Variants in CTNND2 observed in about 807,000 individuals in gnomAD.
CTNND2 encodes catenin delta 2.
In CTNND2, 22 loss-of-function variants were observed where a neutral mutation model predicts 144.4. The observed-to-expected ratio is 0.15, with a 90% confidence interval of 0.11 to 0.22. CTNND2 has a LOEUF of 0.22. Among genes scored for constraint, CTNND2 ranks in the 10% least tolerant of loss-of-function variants. The pLI is 1.00. For synonymous variants in CTNND2, 751 were observed against 695.6 expected (o/e 1.08, Z -1.25); for missense variants, 1,353 against 1,618.8 (o/e 0.84, Z 2.82).
intron 3 of CTNND2, among the ~76,000 whole-genome samples, chr5:11,500,615 C>T (rs534092472): frequency 1.2e-4 from 19 of 152,282 alleles, no homozygotes; most frequent in African/African-American, 4.6e-4. Context: ...AAGGCAAAAT[C>T]AGTATCTTAG....
chr5:11,569,597 G>A (rs550869877), intron 2 of CTNND2, among the ~76,000 whole-genome samples: 1 of 152,128 alleles, frequency 6.6e-6, no homozygotes, highest in South Asian at 2.1e-4. Flanking sequence ...ACTGAAATCA[G>A]AAAACTCATC....
intron 1 of CTNND2, among the ~76,000 whole-genome samples, chr5:11,751,380 T>G (rs1247696668): frequency 6.6e-6 from 1 of 151,756 alleles, no homozygotes; most frequent in Non-Finnish European, 1.5e-5. Flanking sequence ...ATCATCTCCC[T>G]TCTCCCACCC....
At chr5:11,058,658 G>A (rs1746596857) in intron 16 of CTNND2, among the ~76,000 whole-genome samples, 1 of 152,186 alleles carries the variant, frequency 6.6e-6, no homozygotes, top group Admixed American at 6.5e-5. Flanking sequence ...TGAGAAGAGG[G>A]CTACCATCCT....
At chr5:11,290,979 G>T (rs2150014347) in intron 9 of CTNND2, among the ~76,000 whole-genome samples, 1 of 152,258 alleles carries the variant, frequency 6.6e-6, no homozygotes, top group East Asian at 1.9e-4. Context: ...CTATATTGGA[G>T]TCTTCATAGA....
At chr5:11,659,012 C>A (rs912148188) in intron 2 of CTNND2, among the ~76,000 whole-genome samples, 1 of 152,110 alleles carries the variant, frequency 6.6e-6, no homozygotes, top group South Asian at 2.1e-4. Flanking sequence ...TTTAAAAATT[C>A]ATTTCAGTCA....
chr5:11,396,169 C>A (rs1278949586), intron 6 of CTNND2, among the ~76,000 whole-genome samples: 1 of 152,126 alleles, frequency 6.6e-6, no homozygotes. Context: ...GTGGGGCTTG[C>A]AGTTCTTCAT....
At chr5:11,591,724 G>C (rs1200168581) in intron 2 of CTNND2, among the ~76,000 whole-genome samples, 1 of 151,804 alleles carries the variant, frequency 6.6e-6, no homozygotes, top group African/African-American at 2.4e-5. Context: ...TTTTTCTGTG[G>C]TTATACTTTC....
intron 3 of CTNND2, among the ~76,000 whole-genome samples, chr5:11,474,075 A>G (rs1321731371): frequency 2.0e-5 from 3 of 152,266 alleles, no homozygotes; most frequent in Non-Finnish European, 4.4e-5. Flanking sequence ...GAGCACCTGT[A>G]TATGATCATT....
At chr5:11,182,219 G>A (rs1735145530) in intron 11 of CTNND2, among the ~76,000 whole-genome samples, 1 of 150,444 alleles carries the variant, frequency 6.6e-6, no homozygotes, top group South Asian at 2.1e-4. Flanking sequence ...TGTGTGTAGT[G>A]TGTGTGTGGT....
chr5:11,900,675 A>G (rs1197951307), intron 1 of CTNND2, among the ~76,000 whole-genome samples: 3 of 152,246 alleles, frequency 2.0e-5, no homozygotes, highest in African/African-American at 7.2e-5. Context: ...AGTACTGTGG[A>G]CAGGAGAACA....
chr5:11,646,312 T>C (rs918864222), intron 2 of CTNND2, among the ~76,000 whole-genome samples: 5 of 152,230 alleles, frequency 3.3e-5, no homozygotes, highest in African/African-American at 1.2e-4. Flanking sequence ...GTGGTATTCA[T>C]TTTATAATGA....
At chr5:11,661,858 C>T (rs1454667658) in intron 2 of CTNND2, among the ~76,000 whole-genome samples, 1 of 151,782 alleles carries the variant, frequency 6.6e-6, no homozygotes, top group Non-Finnish European at 1.5e-5. Context: ...CTGAGTGGCA[C>T]AGAGGAGGTG....
chr5:11,118,055 A>ACT, intron 12 of CTNND2, among the ~76,000 whole-genome samples: 1 of 152,226 alleles, frequency 6.6e-6, no homozygotes, highest in South Asian at 2.1e-4. Flanking sequence ...ACATAGTTAG[A>ACT]GGTTTCTGTG....
In CTNND2 at chr5:11,381,738, C is replaced by T. The variant is rs184227697; in HGVS notation, c.1177+2927G>A. Among the ~76,000 whole-genome samples, 1,452 of 152,226 alleles carry T rather than the reference C, an allele frequency of 9.5e-3. 23 individuals carry two copies. Among genetic ancestry groups the T allele is most frequent in the African/African-American group, 0.032 (1,341 of 41,534 alleles). The stretch of plus-strand genomic sequence containing the variant: ...ATCCCAGCACTTTGGGAGGCCGAGG[C>T]GGGCAGATCACGAGGTCAGGAGATC... On this transcript the variant is annotated intron_variant, in intron 7 of 21. Coordinates refer to ENST00000304623, the MANE Select transcript of CTNND2 (RefSeq NM_001332.4).
intron 1 of CTNND2, among the ~76,000 whole-genome samples, chr5:11,839,114 G>C (rs923381151): frequency 6.6e-6 from 1 of 152,052 alleles, no homozygotes; most frequent in African/African-American, 2.4e-5. Context: ...CTCCTTAAAT[G>C]AATCTCAGCC....
At chr5:11,043,671 A>G (rs966721763) in intron 16 of CTNND2, among the ~76,000 whole-genome samples, 2 of 152,240 alleles carry the variant, frequency 1.3e-5, no homozygotes, top group Admixed American at 6.5e-5. Flanking sequence ...ACTTATTGTT[A>G]TATCTGAGCC....
rs188219946 is a variant in CTNND2 at position 11,039,158 on chromosome 5, C to T, written c.2789-16179G>A. 1.9e-4 allele frequency among the ~76,000 whole-genome samples: 29 copies of T among 152,278 alleles called. 1 individual carries two copies. The highest frequency in any genetic ancestry group is 1.8e-3 in the Admixed American group (27 of 15,292). On this transcript the variant is annotated intron_variant, in intron 16 of 21. Transcript: ENST00000304623. Reference sequence around the variant, plus strand: ...TAGTCCCAAATAATGAATCTTTGACCCATTTCCTAACAGTTGCAGACTCCC... The same window carrying T: ...TAGTCCCAAATAATGAATCTTTGACTCATTTCCTAACAGTTGCAGACTCCC...
intron 2 of CTNND2, among the ~76,000 whole-genome samples, chr5:11,690,420 C>T (rs970059282): frequency 1.1e-4 from 16 of 152,176 alleles, no homozygotes; most frequent in African/African-American, 3.1e-4. Context: ...ATGAAAAGCA[C>T]ATCAGGTTCT....
chr5:11,352,088 G>T (rs1260142867), intron 8 of CTNND2, among the ~76,000 whole-genome samples: 1 of 152,004 alleles, frequency 6.6e-6, no homozygotes, highest in African/African-American at 2.4e-5. Context: ...AATACTCAAG[G>T]GTAAATTTGA....
Sources: gnomAD v4.1 joint callset for allele counts (sites outside exome capture counted in the v4.1 genomes callset) on GRCh38, gnomAD v4.1.1 for gene constraint, MANE v1.5 for transcripts, NCBI Gene and HGNC (gene_info 2026-07-23, HGNC 2026-07-21) for gene names.